The following STX4 variants were observed in gnomAD, a reference collection of about 807,000 sequenced individuals.
The protein encoded by STX4 is syntaxin-4.
A neutral mutation model predicts 41.8 loss-of-function variants in STX4; 24 were observed. That is an observed-to-expected ratio of 0.57 (90% CI 0.42 to 0.81). The LOEUF (loss-of-function observed/expected upper bound fraction) is 0.81, where lower values mean the gene tolerates loss of function less well. STX4 is among the 30% of genes least tolerant of loss of function. The probability of loss-of-function intolerance (pLI) is 0.00; values close to 1 mark genes in which losing one functional copy is unlikely to be tolerated. For missense variants in STX4, 316 were observed against 389.9 expected, an observed-to-expected ratio of 0.81 and a Z score of 1.60; for synonymous variants, 158 against 156.4, an observed-to-expected ratio of 1.01 and a Z score of -0.08.
chr16:31,034,842 T>C (rs1260389698), intron 4 of STX4, 128 bp from the exon 5 acceptor site: 6 of 883,956 alleles, frequency 6.8e-6, no homozygotes, highest in Non-Finnish European at 1.0e-5. Flanking sequence ...CTCAGTGATG[T>C]AATGCAAAGA....
In STX4 at chr16:31,037,452, G is replaced by C. The variant is rs1001363633; in HGVS notation, c.379-474G>C. ...CGAGGCAGGTGGATCACAAGGTCAA[G>C]AGATCAAGACCATCCTGGCCAACAT... On this transcript the variant is annotated intron_variant, in intron 5 of 10. Transcript: ENST00000313843. 7.3e-5 allele frequency among the ~76,000 whole-genome samples: 11 copies of C among 150,700 alleles called. No homozygotes were observed. The East Asian group carries it at 1.8e-3, about 25-fold the overall frequency.
At chr16:31,036,959 C>T (rs12448321) in intron 5 of STX4, among the ~76,000 whole-genome samples, 47,225 of 151,088 alleles carry the variant, frequency 0.31, 9,891 homozygotes, top group East Asian at 0.89. Flanking sequence ...AGCCAGGCAC[C>T]GTGGCTCACG....
At chr16:31,034,371 T>G (rs771118477) in intron 3 of STX4, 46 bp downstream of exon 3, 4 of 1,612,118 alleles carry the variant, frequency 2.5e-6, no homozygotes, top group Non-Finnish European at 3.4e-6. Context: ...CCCCAGGGAT[T>G]GTGGGGGTTG....
At position 31,039,531 on chromosome 16, in the gene STX4, C is replaced by T. The variant is rs781601908; in HGVS notation, c.703-10C>T. The T allele has an allele frequency of 1.9e-6, 3 of 1,613,562 alleles. No individual in the cohort carries two copies. Among genetic ancestry groups the T allele is most frequent in the Non-Finnish European group, 1.7e-6 (2 of 1,179,864 alleles). On this transcript the variant is annotated splice_polypyrimidine_tract_variant and intron_variant, in intron 8 of 10. Transcript: ENST00000313843. This position sits in a 1 kb window ranked among gnomAD's most constrained non-coding sequence, Gnocchi z 4.1. ...CCTTACCTCCCTGAACCACCCCATCCTCTGAGCAGGGGGAGATGATCAATC... is the reference window on the plus strand; with the variant it reads ...CCTTACCTCCCTGAACCACCCCATCTTCTGAGCAGGGGGAGATGATCAATC...
In STX4 at chr16:31,038,605, G is replaced by A; in HGVS notation, c.660G>A (p.Leu220=). The A allele has an allele frequency of 1.2e-6, 2 of 1,614,108 alleles. No individual in the cohort carries two copies. The highest frequency in any genetic ancestry group is 8.5e-7 in the Non-Finnish European group (1 of 1,180,022). The change falls in exon 8 of 11, where the codon CTG becomes CTA. Residue 220 remains leucine (L), a synonymous_variant. Transcript: ENST00000313843. ...AGCTTGAACGCAGTATTCGTGAGCT[G>A]CACGACATATTCACTTTTCTGGCTA... ...IQQLERSIRE[L]HDIFTFLATE...
At chr16:31,036,102 AG>A (rs1415604007) in intron 5 of STX4, among the ~76,000 whole-genome samples, 1 of 151,886 alleles carries the variant, frequency 6.6e-6, no homozygotes, top group Non-Finnish European at 1.5e-5. Context: ...CTTAGTAAGG[AG>A]ATTTGCAGTG....
At chr16:31,036,747 T>C (rs1011405342) in intron 5 of STX4, among the ~76,000 whole-genome samples, 7 of 152,102 alleles carry the variant, frequency 4.6e-5, no homozygotes, top group Non-Finnish European at 1.0e-4. Context: ...ATTCAGAAGG[T>C]AACATCTGAA....
chr16:31,036,880 A>G (rs11150605), intron 5 of STX4, among the ~76,000 whole-genome samples: 150,672 of 152,120 alleles, frequency 0.99, 74,644 homozygotes, highest in Middle Eastern at 1. Flanking sequence ...GTGGATGGGC[A>G]GAGGAAGGGA....
rs1430970686 is a variant in STX4 at position 31,033,622 on chromosome 16, TC to T, written c.-180del. 2.0e-6 allele frequency: 3 copies of T among 1,477,048 alleles called. No individual in the cohort carries two copies. The highest frequency in any genetic ancestry group is 1.8e-6 in the Non-Finnish European group (2 of 1,114,566). The allele number at this position is 1,477,048 out of a possible 1,614,324, so 91.5% of individuals were successfully genotyped here. ...TTCCAACCTGTGGAACCTTGGGGGG[TC>T]CCCGGGGTCGGCGCCTTCCCATTGA... On this transcript the variant is annotated 5_prime_UTR_variant, in exon 1 of 11. Transcript: ENST00000313843. This position sits in a 1 kb window ranked among gnomAD's most constrained non-coding sequence, Gnocchi z 5.5.
intron 8 of STX4, 111 bp downstream of exon 8, chr16:31,038,758 A>G (rs1203284523): frequency 3.1e-5 from 43 of 1,393,798 alleles, no homozygotes; most frequent in Non-Finnish European, 4.1e-5. Context: ...AGGTTTGGCC[A>G]TGCCCCCAGA....
In STX4 at chr16:31,039,526, C is replaced by G. The variant is rs755606689; in HGVS notation, c.703-15C>G. On this transcript the variant is annotated splice_polypyrimidine_tract_variant and intron_variant, in intron 8 of 10. Transcript: ENST00000313843. The surrounding 1 kb of genome is among the most constrained non-coding windows in gnomAD (Gnocchi z 4.1). ...GGCATCCTTACCTCCCTGAACCACC[C>G]CATCCTCTGAGCAGGGGGAGATGAT... is the stretch of plus-strand genomic sequence containing the variant. The G allele has an allele frequency of 1.2e-6, 2 of 1,613,180 alleles. No individual in the cohort carries two copies. Among genetic ancestry groups the G allele is most frequent in the Non-Finnish European group, 1.7e-6 (2 of 1,179,658 alleles).
chr16:31,035,254 T>C (rs916271038), intron 5 of STX4, among the ~76,000 whole-genome samples: 1 of 152,172 alleles, frequency 6.6e-6, no homozygotes, highest in Non-Finnish European at 1.5e-5. Context: ...CCCTGCTTTA[T>C]TTTCTTCCAT....
rs755170696 is a variant in STX4, at chr16:31,033,949, C to A, written c.31-64C>A. Reference sequence around the variant, plus strand: ...GGCCAGGAAGGAAAGTCCCGGAAGCCTGTGGGTCCTGCGGGGTAAGAGCCG... The same window carrying A: ...GGCCAGGAAGGAAAGTCCCGGAAGCATGTGGGTCCTGCGGGGTAAGAGCCG... On this transcript the variant is annotated intron_variant, in intron 1 of 10. Coordinates refer to ENST00000313843, the MANE Select transcript of STX4 (RefSeq NM_004604.5). The surrounding 1 kb of genome is among the most constrained non-coding windows in gnomAD (Gnocchi z 5.5). 4.7e-6 allele frequency: 7 copies of A among 1,484,524 alleles called. No homozygotes were observed. Among genetic ancestry groups the A allele is most frequent in the African/African-American group, 1.4e-5 (1 of 71,174 alleles). 92.0% of individuals were successfully genotyped at this position (1,484,524 alleles called of 1,614,324 possible).
Position 31,034,000 on chromosome 16 carries a change from C to G in STX4, c.31-13C>G, listed in dbSNP as rs779164357. 1.8e-4 allele frequency: 290 copies of G among 1,577,692 alleles called. 1 individual carries two copies. Among genetic ancestry groups the G allele is most frequent in the Non-Finnish European group, 2.3e-4 (272 of 1,159,160 alleles). On this transcript the variant is annotated splice_polypyrimidine_tract_variant and intron_variant, in intron 1 of 10. Coordinates refer to ENST00000313843, the MANE Select transcript of STX4 (RefSeq NM_004604.5). The surrounding 1 kb of genome is among the most constrained non-coding windows in gnomAD (Gnocchi z 5.5). ...CAGCGAAACGGTGGTGCCAATGACTCCGGGCCTGGCAGGGGGATGACAGCT... is the reference window on the plus strand; with the variant it reads ...CAGCGAAACGGTGGTGCCAATGACTGCGGGCCTGGCAGGGGGATGACAGCT...
Position 31,038,106 on chromosome 16 carries a change from CT to C in STX4, c.488-6del. 4 of 1,614,192 alleles carry C rather than the reference CT, an allele frequency of 2.5e-6. No individual in the cohort carries two copies. The highest frequency in any genetic ancestry group is 3.4e-6 in the Non-Finnish European group (4 of 1,180,036). On this transcript the variant is annotated splice_region_variant and splice_polypyrimidine_tract_variant and intron_variant, in intron 6 of 10. Coordinates refer to ENST00000313843, the MANE Select transcript of STX4 (RefSeq NM_004604.5). ...ACCCAACCCTGAGCCTGGCCTTTTC[CT>C]TCACAGCCAATGCTGGGATGGTGTC...
chr16:31,037,064 C>CCCT (rs1491425907), intron 5 of STX4, among the ~76,000 whole-genome samples: 7,442 of 121,996 alleles, frequency 0.061, 553 homozygotes, highest in Non-Finnish European at 0.1. Flanking sequence ...ACCCCCCCCC[C>CCCT]TTTTTTTTTT....
chr16:31,038,750 G>A, intron 8 of STX4, 103 bp downstream of exon 8: 1 of 1,455,744 alleles, frequency 6.9e-7, no homozygotes. Context: ...TGTCTTCCAG[G>A]TTTGGCCATG....
intron 5 of STX4, among the ~76,000 whole-genome samples, chr16:31,037,329 G>T (rs1238668245): frequency 6.6e-6 from 1 of 151,264 alleles, no homozygotes; most frequent in Non-Finnish European, 1.5e-5. Context: ...CTCCCAAAGT[G>T]CTGGGATCAC....
intron 5 of STX4, among the ~76,000 whole-genome samples, chr16:31,037,671 T>A (rs201009474): frequency 7.0e-6 from 1 of 143,480 alleles, no homozygotes; most frequent in Admixed American, 7.0e-5. Context: ...AAAAAACAAA[T>A]AATAAATAAA....
Sources: allele counts gnomAD v4.1 joint callset (sites outside exome capture counted in the v4.1 genomes callset), GRCh38; gene constraint gnomAD v4.1.1; non-coding constraint Gnocchi (gnomAD v3.1); transcripts MANE v1.5; gene names NCBI Gene and HGNC (gene_info 2026-07-23, HGNC 2026-07-21).